Variants in PKP2 observed in about 807,000 individuals in gnomAD.
PKP2 encodes the protein plakophilin-2.
Under a neutral mutation model 83.4 loss-of-function variants are expected in PKP2, and 73 were observed. The ratio of observed to expected loss-of-function variants is 0.88; its 90% CI spans 0.72 to 1.06. The LOEUF (loss-of-function observed/expected upper bound fraction) is 1.06. PKP2 is among the 50% of genes least tolerant of loss of function. PKP2 has a pLI of 0.00. For synonymous variants in PKP2, 409 were observed against 430.4 expected, an observed-to-expected ratio of 0.95 and a Z score of 0.62; for missense variants, 966 against 1,065.4, an observed-to-expected ratio of 0.91 and a Z score of 1.30.
chr12:32,820,948 C>A, intron 9 of PKP2: 1 of 248,902 alleles, frequency 4.0e-6, no homozygotes, highest in Non-Finnish European at 7.9e-6. Flanking sequence ...TCTTTGTTAC[C>A]CTATGGAGAG....
chr12:32,816,167 G>A (rs1384840851), intron 9 of PKP2, among the ~76,000 whole-genome samples: 1 of 152,140 alleles, frequency 6.6e-6, no homozygotes, highest in East Asian at 1.9e-4. Context: ...TTTGTGATAT[G>A]AATAATCCCG....
chr12:32,859,437 T>C (rs1592754367), intron 4 of PKP2, among the ~76,000 whole-genome samples: 1 of 152,218 alleles, frequency 6.6e-6, no homozygotes, highest in Non-Finnish European at 1.5e-5. Flanking sequence ...TTTTAAAAAA[T>C]ATTTTTCTCA....
rs150540439 is a variant in PKP2 at position 32,877,757 on chromosome 12, A to C, written c.1034+89T>G. On this transcript the variant is annotated intron_variant, in intron 3 of 12. Transcript: ENST00000340811. ...CTTATCTCTGGAAGCCCTTCTCTCA[A>C]GCCCCAGAAGTGCCAGCTCATGCTG... 30 of 955,360 alleles carry C rather than the reference A, an allele frequency of 3.1e-5. No homozygotes were observed. In the African/African-American group the frequency reaches 3.6e-4, roughly 11 times the overall value. 59.2% of individuals were successfully genotyped at this position (955,360 alleles called of 1,614,324 possible). A position where few individuals can be genotyped will look rare whatever the true frequency, so the allele number is the denominator to read the frequency against.
intron 3 of PKP2, among the ~76,000 whole-genome samples, chr12:32,870,831 G>GA (rs1956890187): frequency 6.6e-6 from 1 of 152,004 alleles, no homozygotes; most frequent in Non-Finnish European, 1.5e-5. Flanking sequence ...CATGACTCAG[G>GA]AAAGTTTGAA....
intron 6 of PKP2, among the ~76,000 whole-genome samples, chr12:32,840,612 T>C (rs1428940309): frequency 6.6e-6 from 1 of 152,218 alleles, no homozygotes. Context: ...GGTTTTCTTA[T>C]TCATCTTTGT....
At chr12:32,809,414 T>C (rs911962627) in intron 9 of PKP2, among the ~76,000 whole-genome samples, 13 of 152,102 alleles carry the variant, frequency 8.5e-5, no homozygotes, top group African/African-American at 2.2e-4. Context: ...ACAGAAATGG[T>C]AGCCACCCCT....
At chr12:32,856,646 T>G (rs1956751919) in intron 4 of PKP2, among the ~76,000 whole-genome samples, 1 of 151,796 alleles carries the variant, frequency 6.6e-6, no homozygotes, top group Admixed American at 6.6e-5. Context: ...GAGATATACC[T>G]AATGTAAATG....
At chr12:32,889,126 T>G (rs1402785791) in intron 1 of PKP2, among the ~76,000 whole-genome samples, 1 of 152,070 alleles carries the variant, frequency 6.6e-6, no homozygotes, top group African/African-American at 2.4e-5. Flanking sequence ...GGGACACAAC[T>G]GAACTAAGTT....
chr12:32,888,883 T>C (rs936407480), intron 1 of PKP2, among the ~76,000 whole-genome samples: 1 of 150,830 alleles, frequency 6.6e-6, no homozygotes, highest in African/African-American at 2.4e-5. Flanking sequence ...CTTGAACTCC[T>C]GGCCTCAGGC....
intron 6 of PKP2, among the ~76,000 whole-genome samples, chr12:32,834,616 T>C (rs1318976993): frequency 6.6e-6 from 1 of 152,164 alleles, no homozygotes; most frequent in Non-Finnish European, 1.5e-5. Context: ...ACCTGCCCAC[T>C]TAAGTGCCTA....
rs368633311 is a variant in PKP2, at chr12:32,792,697, C to T, written c.2392G>A (p.Val798Ile). The T allele has an allele frequency of 3.6e-5, 58 of 1,613,906 alleles. No homozygotes were observed. In the African/African-American group the frequency reaches 4.5e-4, roughly 13 times the overall value. Residue 798 changes from valine to isoleucine, a missense_variant, in exon 12 of 13, where the codon GTC becomes ATC. Val to Ile is a conservative substitution (Grantham distance 29, BLOSUM62 3). Transcript: ENST00000340811. ...ASNKASKAAS[V>I]LLYSLWAHTE... ...TGTGCCCACAGAGAATACAGAAGGACGGAAGCAGCTTTACTTGCTTTGTTG... is the reference window on the plus strand; with the variant it reads ...TGTGCCCACAGAGAATACAGAAGGATGGAAGCAGCTTTACTTGCTTTGTTG...
chr12:32,803,346 TG>T (rs1221029948), intron 9 of PKP2, among the ~76,000 whole-genome samples: 1 of 152,182 alleles, frequency 6.6e-6, no homozygotes, highest in Non-Finnish European at 1.5e-5. Context: ...GCGCTCAGCC[TG>T]GGTGACAGAG....
At chr12:32,864,691 A>G (rs1956831163) in intron 4 of PKP2, among the ~76,000 whole-genome samples, 1 of 152,190 alleles carries the variant, frequency 6.6e-6, no homozygotes, top group African/African-American at 2.4e-5. Context: ...CTAAACTTCA[A>G]ATGGAACTGC....
At chr12:32,848,046 T>C (rs1192902128) in intron 5 of PKP2, among the ~76,000 whole-genome samples, 1 of 152,240 alleles carries the variant, frequency 6.6e-6, no homozygotes, top group Non-Finnish European at 1.5e-5. Context: ...GGAATCACTT[T>C]TAATTTCTAC....
chr12:32,864,980 T>C (rs1182715843), intron 4 of PKP2, among the ~76,000 whole-genome samples: 1 of 152,222 alleles, frequency 6.6e-6, no homozygotes, highest in East Asian at 1.9e-4. Context: ...CACTAGGACG[T>C]AAGAATGTTT....
At chr12:32,880,612 A>G (rs1396882039) in intron 1 of PKP2, among the ~76,000 whole-genome samples, 1 of 152,040 alleles carries the variant, frequency 6.6e-6, no homozygotes, top group African/African-American at 2.4e-5. Context: ...TAGCCAGCCC[A>G]CTCTCATGAA....
rs1455037701 is a variant in PKP2 at position 32,802,612 on chromosome 12, TAA to T, written c.2014-58_2014-57del. On this transcript the variant is annotated intron_variant, in intron 9 of 12. Transcript: ENST00000340811. ...ATTGTATTTGATTTCACGATAACAT[TAA>T]GTTTTCTGTAGATTACCAGAGGTTG... 4.0e-6 allele frequency: 6 copies of T among 1,483,714 alleles called. No homozygotes were observed. In the Admixed American group the frequency reaches 5.0e-5, roughly 12 times the overall value. 91.9% of individuals were successfully genotyped at this position (1,483,714 alleles called of 1,614,324 possible).
intron 3 of PKP2, among the ~76,000 whole-genome samples, chr12:32,869,285 T>C (rs1956878263): frequency 6.6e-6 from 1 of 152,242 alleles, no homozygotes; most frequent in African/African-American, 2.4e-5. Context: ...TTGGACGATG[T>C]CATTCGATTG....
At chr12:32,865,072 A>G (rs1213918814) in intron 4 of PKP2, among the ~76,000 whole-genome samples, 5 of 152,178 alleles carry the variant, frequency 3.3e-5, no homozygotes, top group Non-Finnish European at 5.9e-5. Flanking sequence ...GGAATAGTAA[A>G]CATTCAAAAA....
Sources: gnomAD v4.1 joint callset for allele counts (sites outside exome capture counted in the v4.1 genomes callset) on GRCh38, gnomAD v4.1.1 for gene constraint, MANE v1.5 for transcripts, NCBI Gene and HGNC (gene_info 2026-07-23, HGNC 2026-07-21) for gene names.